Variants in DLC1 observed in about 807,000 individuals in gnomAD.
DLC1 encodes the protein DLC1 Rho GTPase activating protein, also known as rho GTPase-activating protein 7.
In DLC1, 54 loss-of-function variants were observed where a neutral mutation model predicts 140.3. That is an observed-to-expected ratio of 0.38 (90% confidence interval 0.31 to 0.48). The LOEUF (loss-of-function observed/expected upper bound fraction) is 0.48, where lower values mean the gene tolerates loss of function less well. Among genes scored for constraint, DLC1 ranks in the 20% least tolerant of loss-of-function variants. The pLI is 0.96. For synonymous variants in DLC1, 986 were observed against 728.1 expected (o/e 1.35, Z -5.70); for missense variants, 2,536 against 1,907.0 (o/e 1.33, Z -6.14).
intron 4 of DLC1, among the ~76,000 whole-genome samples, chr8:13,364,196 T>C (rs1230135962): frequency 6.6e-6 from 1 of 152,170 alleles, no homozygotes; most frequent in Non-Finnish European, 1.5e-5. Flanking sequence ...GAACTCTACA[T>C]AGAATGTCAG....
intron 4 of DLC1, among the ~76,000 whole-genome samples, chr8:13,385,741 C>G (rs1836494857): frequency 6.6e-6 from 1 of 152,194 alleles, no homozygotes; most frequent in Admixed American, 6.5e-5. Flanking sequence ...AGAAGGCCCT[C>G]TGTGTAAACT....
At chr8:13,286,449 C>T (rs1043455923) in intron 5 of DLC1, among the ~76,000 whole-genome samples, 1 of 152,008 alleles carries the variant, frequency 6.6e-6, no homozygotes. Context: ...GAAAGGGTCA[C>T]TTTATATGGA....
At chr8:13,553,234 A>G (rs1378206837) in intron 1 of DLC1, among the ~76,000 whole-genome samples, 1 of 131,572 alleles carries the variant, frequency 7.6e-6, no homozygotes, top group Non-Finnish European at 1.6e-5. Flanking sequence ...ATATGTATAT[A>G]TATATATATA....
intron 5 of DLC1, among the ~76,000 whole-genome samples, chr8:13,206,162 C>G (rs1217409630): frequency 6.6e-6 from 1 of 152,162 alleles, no homozygotes; most frequent in East Asian, 1.9e-4. Context: ...TAATGAAAAA[C>G]TTCACTGAAT....
At position 13,099,980 on chromosome 8, in the gene DLC1, G is replaced by A; in HGVS notation, c.2357C>T (p.Thr786Ile). ...GTTCTGCTCCACCACGTTGTTAAATGTTGACTGATTGAAAGGATCGAAGCC... is the reference window on the plus strand; with the variant it reads ...GTTCTGCTCCACCACGTTGTTAAATATTGACTGATTGAAAGGATCGAAGCC... ...LEGFDPFNQS[T>I]FNNVVEQNFK... Residue 786 changes from threonine (T) to isoleucine (I), a missense_variant, in exon 9 of 18, where the codon ACA becomes ATA. By Grantham distance (89) the Thr-to-Ile change is moderately conservative. Transcript: ENST00000276297. The A allele has an allele frequency of 5.6e-6, 9 of 1,612,642 alleles. No individual in the cohort carries two copies. The highest frequency in any genetic ancestry group is 1.6e-4 in the Middle Eastern group (1 of 6,062).
chr8:13,415,893 G>A (rs1337015140), intron 2 of DLC1, among the ~76,000 whole-genome samples: 2 of 152,100 alleles, frequency 1.3e-5, no homozygotes, highest in Non-Finnish European at 1.5e-5. Flanking sequence ...TTCACCCCAA[G>A]AAGTCCAACT....
At chr8:13,152,764 C>G (rs754446683) in intron 5 of DLC1, among the ~76,000 whole-genome samples, 1 of 130,166 alleles carries the variant, frequency 7.7e-6, no homozygotes, top group Non-Finnish European at 1.6e-5. Flanking sequence ...CTGAAGCAAA[C>G]CATGATCTTG....
intron 1 of DLC1, among the ~76,000 whole-genome samples, chr8:13,578,998 C>T (rs1161812630): frequency 1.3e-5 from 2 of 151,790 alleles, no homozygotes; most frequent in South Asian, 2.1e-4. Flanking sequence ...GCAACCGGCT[C>T]CCATTCCGAG....
rs560968967 is a variant in DLC1, at chr8:13,403,101, T to A, written c.1024-1482A>T. Reference sequence around the variant, plus strand: ...CTGTTTTCACAAAGACAGATTAATTTTGAGAATACGTTAAGAATTTTTTGA... The same window carrying A: ...CTGTTTTCACAAAGACAGATTAATTATGAGAATACGTTAAGAATTTTTTGA... On this transcript the variant is annotated intron_variant, in intron 2 of 17. Coordinates refer to ENST00000276297, the MANE Select transcript of DLC1 (RefSeq NM_182643.3). 5.9e-5 allele frequency among the ~76,000 whole-genome samples: 9 copies of A among 152,356 alleles called. No individual in the cohort carries two copies. In the East Asian group the frequency reaches 1.7e-3, roughly 29 times the overall value.
intron 2 of DLC1, among the ~76,000 whole-genome samples, chr8:13,467,167 C>T (rs60687575): frequency 0.038 from 5,807 of 152,206 alleles, 338 homozygotes; most frequent in African/African-American, 0.12. Flanking sequence ...ATTTTCTAAA[C>T]TTTCACAGGT....
Position 13,110,677 on chromosome 8 carries a change from C to G in DLC1, c.1502+65G>C, listed in dbSNP as rs140748342. On this transcript the variant is annotated intron_variant, in intron 7 of 17. Coordinates refer to ENST00000276297, the MANE Select transcript of DLC1 (RefSeq NM_182643.3). Reference sequence around the variant, plus strand: ...AAGAACAAAAGCAAACAAAGCCTATCTTTGTGAGAAGTACTGTGTTCTTAA... The same window carrying G: ...AAGAACAAAAGCAAACAAAGCCTATGTTTGTGAGAAGTACTGTGTTCTTAA... 4.5e-4 allele frequency: 663 copies of G among 1,467,972 alleles called. 2 individuals are homozygous for G. In the African/African-American group the frequency reaches 8.6e-3, roughly 19 times the overall value. 90.9% of individuals were successfully genotyped at this position (1,467,972 alleles called of 1,614,324 possible).
intron 4 of DLC1, among the ~76,000 whole-genome samples, chr8:13,312,084 G>A (rs1173005336): frequency 6.7e-6 from 1 of 149,870 alleles, no homozygotes; most frequent in African/African-American, 2.5e-5. Context: ...TCTTTAGGCC[G>A]GGCGCGGTGG....
At chr8:13,148,876 T>A (rs1049391830) in intron 5 of DLC1, among the ~76,000 whole-genome samples, 1 of 152,126 alleles carries the variant, frequency 6.6e-6, no homozygotes, top group African/African-American at 2.4e-5. Context: ...CACTGCAAGC[T>A]CCGCCTCCCA....
intron 2 of DLC1, among the ~76,000 whole-genome samples, chr8:13,469,808 A>G (rs922262089): frequency 4.6e-5 from 7 of 152,212 alleles, no homozygotes; most frequent in African/African-American, 1.4e-4. Flanking sequence ...CTGAAAGTCT[A>G]TGTGGATATG....
At position 13,298,105 on chromosome 8, in the gene DLC1, G is replaced by A. The variant is rs138170557; in HGVS notation, c.1348+7164C>T. Among the ~76,000 whole-genome samples, 83 of 152,264 alleles carry A rather than the reference G, an allele frequency of 5.5e-4. No homozygotes were observed. In the East Asian group the frequency reaches 0.012, roughly 22 times the overall value. Reference sequence around the variant, plus strand: ...CCACAACACAAAGTTTGGAGAGACCGTGACTCTGGTATATGCTTCTGAAAG... The same window carrying A: ...CCACAACACAAAGTTTGGAGAGACCATGACTCTGGTATATGCTTCTGAAAG... On this transcript the variant is annotated intron_variant, in intron 5 of 17. Coordinates refer to ENST00000276297, the MANE Select transcript of DLC1 (RefSeq NM_182643.3).
At chr8:13,197,264 A>T (rs1827118578) in intron 5 of DLC1, among the ~76,000 whole-genome samples, 1 of 152,194 alleles carries the variant, frequency 6.6e-6, no homozygotes, top group South Asian at 2.1e-4. Context: ...ATAATTTGTT[A>T]ATAGTAGCTC....
intron 1 of DLC1, among the ~76,000 whole-genome samples, chr8:13,538,641 T>A (rs932187444): frequency 6.6e-6 from 1 of 152,168 alleles, no homozygotes; most frequent in African/African-American, 2.4e-5. Flanking sequence ...CCAGTAATCC[T>A]CCTGAAACAC....
chr8:13,111,625 G>A (rs924668071), intron 6 of DLC1, among the ~76,000 whole-genome samples: 21 of 152,174 alleles, frequency 1.4e-4, no homozygotes, highest in Admixed American at 9.2e-4. Context: ...AAAGGAGAGC[G>A]GAGGTAGCCG....
upstream of DLC1, among the ~76,000 whole-genome samples, chr8:13,516,676 G>T (rs1216869972): frequency 6.6e-6 from 1 of 152,100 alleles, no homozygotes; most frequent in East Asian, 1.9e-4. Context: ...GAGCATTTAG[G>T]TTTCTTTAAT....
Sources: allele counts gnomAD v4.1 joint callset (sites outside exome capture counted in the v4.1 genomes callset), GRCh38; gene constraint gnomAD v4.1.1; transcripts MANE v1.5; gene names NCBI Gene and HGNC (gene_info 2026-07-23, HGNC 2026-07-21).